Variants in NFATC2IP observed in about 807,000 individuals in gnomAD.
NFATC2IP encodes the protein nuclear factor of activated T cells 2 interacting protein.
In NFATC2IP, 25 loss-of-function variants were observed where a neutral mutation model predicts 40.2. The observed-to-expected ratio is 0.62, with a 90% confidence interval of 0.45 to 0.87. The LOEUF (loss-of-function observed/expected upper bound fraction) is 0.87. Among genes scored for constraint, NFATC2IP ranks in the 40% least tolerant of loss-of-function variants. NFATC2IP has a pLI of 0.00. For missense variants in NFATC2IP, 553 were observed against 555.6 expected (o/e 1.00, Z 0.05); for synonymous variants, 241 against 236.3 (o/e 1.02, Z -0.18).
intron 7 of NFATC2IP, among the ~76,000 whole-genome samples, chr16:28,961,579 AT>A (rs898814641): frequency 6.6e-6 from 1 of 151,604 alleles, no homozygotes; most frequent in Admixed American, 6.6e-5. Flanking sequence ...CAAACTCAGG[AT>A]TTTTTTCTTT....
At chr16:28,961,325 GAAAAAAAA>G (rs138576594) in intron 7 of NFATC2IP, among the ~76,000 whole-genome samples, 17 of 52,260 alleles carry the variant, frequency 3.3e-4, no homozygotes, top group South Asian at 1.7e-3. Flanking sequence ...GACCCTATCT[GAAAAAAAA>G]AAAAAAAAAA....
Position 28,958,845 on chromosome 16 carries a change from A to G in NFATC2IP, c.975A>G (p.Gly325=). The G allele has an allele frequency of 6.2e-7, 1 of 1,613,954 alleles. No individual in the cohort carries two copies. Among genetic ancestry groups the G allele is most frequent in the African/African-American group, 1.3e-5 (1 of 75,008 alleles). Residue 325 remains glycine (G), a synonymous_variant, in exon 6 of 8, where the codon GGA becomes GGG. Transcript: ENST00000320805. ...CCACTCCCAGGACCCTAAAGCTCGG[A>G]GTGGCTGACATCATTGGTGAGAGGA... ...PTATPRTLKL[G]VADIIDCVVL...
In NFATC2IP at chr16:28,958,936, GGCCCTGCTTCCAAGCCCCCACTTA is replaced by G. The variant is rs899666246; in HGVS notation, c.992-48_992-25del. ...GGGATATGGGGAGAGGTTCAGCACG[GGCCCTGCTTCCAAGCCCCCACTTA>G]GCCCTGGCTTCCTGATTCTGCCTCC... On this transcript the variant is annotated intron_variant, in intron 6 of 7. Transcript: ENST00000320805. 3 of 1,605,674 alleles carry G rather than the reference GGCCCTGCTTCCAAGCCCCCACTTA, an allele frequency of 1.9e-6. No individual in the cohort carries two copies. The African/African-American group carries it at 4.0e-5, about 21-fold the overall frequency.
intron 7 of NFATC2IP, among the ~76,000 whole-genome samples, chr16:28,961,956 T>C (rs1244200817): frequency 1.4e-5 from 2 of 144,810 alleles, no homozygotes; most frequent in African/African-American, 5.1e-5. Flanking sequence ...CAGGCTGGAG[T>C]GCAGTGGTGC....
intron 5 of NFATC2IP, chr16:28,957,148 C>T (rs1447432831): frequency 6.6e-6 from 1 of 152,136 alleles, no homozygotes; most frequent in East Asian, 1.9e-4. Flanking sequence ...ATTCTCCCAC[C>T]TCAGCCTCCC....
At chr16:28,952,844 G>A (rs1382610436) in intron 2 of NFATC2IP, among the ~76,000 whole-genome samples, 1 of 151,718 alleles carries the variant, frequency 6.6e-6, no homozygotes, top group African/African-American at 2.4e-5. Context: ...CTGGGTTCAA[G>A]CGATTCTCCT....
intron 5 of NFATC2IP, chr16:28,958,458 G>T: frequency 2.5e-6 from 1 of 394,228 alleles, no homozygotes. Context: ...TGTCTAGGTG[G>T]CATGTGAATT....
At chr16:28,954,770 T>G in intron 3 of NFATC2IP, 88 bp downstream of exon 3, 1 of 754,570 alleles carries the variant, frequency 1.3e-6, no homozygotes, top group East Asian at 2.5e-5. Context: ...GGGTGACTCC[T>G]GAAAGGTTAA....
intron 5 of NFATC2IP, chr16:28,957,476 C>A (rs1441074782): frequency 6.6e-6 from 1 of 151,654 alleles, no homozygotes; most frequent in Non-Finnish European, 1.5e-5. Context: ...GACCTTGTCT[C>A]TACTAAAAAT....
In NFATC2IP at chr16:28,958,987, A is replaced by G. The variant is rs374149396; in HGVS notation, c.992-4A>G. ...CCCTGGCTTCCTGATTCTGCCTCCC[A>G]CAGACTGTGTGGTACTAACAAGTTC... On this transcript the variant is annotated splice_polypyrimidine_tract_variant and splice_region_variant and intron_variant, in intron 6 of 7. Transcript: ENST00000320805. The G allele has an allele frequency of 6.2e-6, 10 of 1,612,158 alleles. No homozygotes were observed. The highest frequency in any genetic ancestry group is 2.7e-5 in the African/African-American group (2 of 74,858).
At position 28,951,255 on chromosome 16, in the gene NFATC2IP, G is replaced by A. The variant is rs1964963295; in HGVS notation, c.244G>A (p.Val82Ile). The change falls in exon 1 of 8, where the codon GTC becomes ATC. Residue 82 changes from valine to isoleucine, a missense_variant. Val to Ile is a conservative substitution (Grantham distance 29). Coordinates refer to ENST00000320805, the MANE Select transcript of NFATC2IP (RefSeq NM_032815.4). ...GGAGCCCCCGGAGCCCCCGGGGCCG[G>A]TCGCGTCCCGGGATAACAGCAACAG... Reference protein sequence around the residue: ...EVEPPEPPGPVASRDNSNSDS... With the variant: ...EVEPPEPPGPIASRDNSNSDS... 1 of 1,488,710 alleles carries A rather than the reference G, an allele frequency of 6.7e-7. No individual in the cohort carries two copies. Among genetic ancestry groups the A allele is most frequent in the East Asian group, 2.6e-5 (1 of 37,884 alleles). 92.2% of individuals were successfully genotyped at this position (1,488,710 alleles called of 1,614,324 possible).
intron 7 of NFATC2IP, among the ~76,000 whole-genome samples, chr16:28,961,943 G>T (rs1032531142): frequency 6.8e-6 from 1 of 146,232 alleles, no homozygotes; most frequent in Non-Finnish European, 1.5e-5. Flanking sequence ...TTGCTCTGTT[G>T]CCCAGGCTGG....
intron 1 of NFATC2IP, 50 bp downstream of exon 1, chr16:28,951,448 C>G: frequency 7.5e-7 from 1 of 1,339,682 alleles, no homozygotes. Context: ...AGGGCTTGGC[C>G]TCCAGGGAGG....
At chr16:28,960,917 G>C (rs912217758) in intron 7 of NFATC2IP, among the ~76,000 whole-genome samples, 7 of 152,102 alleles carry the variant, frequency 4.6e-5, no homozygotes, top group African/African-American at 1.7e-4. Context: ...GATGATAGGA[G>C]ATTTCTCTGC....
chr16:28,963,815 A>G lies in NFATC2IP; in HGVS notation c.1212A>G (p.Pro404=), dbSNP rs1365253772. ...DGTKLSGREL[P]ADLGMESGDL... is the part of the protein sequence containing the mutation. ...CAAAGCTTTCAGGCAGGGAGCTGCC[A>G]GCTGACCTGGGCATGGAATCTGGGG... The change falls in exon 8 of 8, where the codon CCA becomes CCG. Residue 404 remains proline (P), a synonymous_variant. Coordinates refer to ENST00000320805, the MANE Select transcript of NFATC2IP (RefSeq NM_032815.4). 1 of 1,614,208 alleles carries G rather than the reference A, an allele frequency of 6.2e-7. No homozygotes were observed. The highest frequency in any genetic ancestry group is 8.5e-7 in the Non-Finnish European group (1 of 1,180,018).
rs781000184 is a variant in NFATC2IP at position 28,951,048 on chromosome 16, G to C, written c.37G>C (p.Gly13Arg). 2.6e-6 allele frequency: 4 copies of C among 1,540,558 alleles called. No individual in the cohort carries two copies. Among genetic ancestry groups the C allele is most frequent in the Non-Finnish European group, 2.6e-6 (3 of 1,144,280 alleles). ...TGTGGGGAAGCGGGGCCGCTGGTCC[G>C]GAGGTAGCGGTGCCGGCCGAGGGGG... Reference protein sequence around the residue: ...EPVGKRGRWSGGSGAGRGGRG... With the variant: ...EPVGKRGRWSRGSGAGRGGRG... The change falls in exon 1 of 8, where the codon GGA becomes CGA. Residue 13 changes from glycine to arginine, a missense_variant. Gly to Arg is a moderately radical substitution (Grantham distance 125). Transcript: ENST00000320805.
Position 28,951,329 on chromosome 16 carries a change from G to A in NFATC2IP, c.318G>A (p.Pro106=), listed in dbSNP as rs771861707. 5.0e-6 allele frequency: 7 copies of A among 1,407,568 alleles called. No individual in the cohort carries two copies. Among genetic ancestry groups the A allele is most frequent in the Middle Eastern group, 4.3e-4 (2 of 4,698 alleles). The allele number at this position is 1,407,568 out of a possible 1,614,324, so 87.2% of individuals were successfully genotyped here. ...DRRPAGPPRE[P]VRRRRRLVLD... The stretch of plus-strand genomic sequence containing the variant: ...GGCCCGCAGGACCCCCGCGGGAGCC[G>A]GTCAGGCGGCGGCGGCGGCTGGTGC... The change falls in exon 1 of 8, where the codon CCG becomes CCA. Residue 106 remains proline, a synonymous_variant. Transcript: ENST00000320805.
At chr16:28,951,464 G>T in intron 1 of NFATC2IP, 66 bp downstream of exon 1, 1 of 1,348,104 alleles carries the variant, frequency 7.4e-7, no homozygotes, top group South Asian at 1.9e-5. Flanking sequence ...GGAGGGGCCG[G>T]CGTTCGGGGA....
intron 3 of NFATC2IP, among the ~76,000 whole-genome samples, 172 bp downstream of exon 3, chr16:28,954,854 G>T (rs547465770): frequency 6.6e-6 from 1 of 152,084 alleles, no homozygotes; most frequent in African/African-American, 2.4e-5. Context: ...GGCTTACCCC[G>T]GAGGGTGACA....
Sources: gnomAD v4.1 joint callset for allele counts (sites outside exome capture counted in the v4.1 genomes callset) on GRCh38, gnomAD v4.1.1 for gene constraint, MANE v1.5 for transcripts, NCBI Gene and HGNC (gene_info 2026-07-23, HGNC 2026-07-21) for gene names.